The following TMEM150C variants were observed in gnomAD, a reference collection of about 807,000 sequenced individuals.
The protein encoded by TMEM150C is transmembrane protein 150C, also known as tentonin 3.
Under a neutral mutation model 29.9 loss-of-function variants are expected in TMEM150C, and 10 were observed. That is an observed-to-expected ratio of 0.33 (90% CI 0.21 to 0.57). TMEM150C has a LOEUF of 0.57. Among genes scored for constraint, TMEM150C ranks in the 20% least tolerant of loss-of-function variants. TMEM150C has a pLI of 0.88. For synonymous variants in TMEM150C, 101 were observed against 112.5 expected (o/e 0.90, Z 0.64); for missense variants, 251 against 303.6 (o/e 0.83, Z 1.29).
At chr4:82,525,349 A>C (rs927849800) in intron 1 of TMEM150C, among the ~76,000 whole-genome samples, 1 of 152,244 alleles carries the variant, frequency 6.6e-6, no homozygotes, top group Non-Finnish European at 1.5e-5. Flanking sequence ...ATCCATGCTG[A>C]AACTGAGTAA....
rs1173818784 is a variant in TMEM150C at position 82,484,235 on chromosome 4, T to G, written c.*1276A>C. On this transcript the variant is annotated 3_prime_UTR_variant, in exon 8 of 8. Coordinates refer to ENST00000449862, the MANE Select transcript of TMEM150C (RefSeq NM_001080506.3). Reference sequence around the variant, plus strand: ...TTTGAATTTGGAATTCTGCTTTTCTTCATGAAGCACAGTCTCATAAGCCCA... The same window carrying G: ...TTTGAATTTGGAATTCTGCTTTTCTGCATGAAGCACAGTCTCATAAGCCCA... 1.3e-5 allele frequency: 2 copies of G among 152,188 alleles called. No individual in the cohort carries two copies. Among genetic ancestry groups the G allele is most frequent in the Admixed American group, 6.5e-5 (1 of 15,272 alleles). The allele number at this position is 152,188 out of a possible 1,614,324, so 9.4% of individuals were successfully genotyped here.
At chr4:82,558,054 T>C (rs1399461416) in intron 1 of TMEM150C, among the ~76,000 whole-genome samples, 2 of 152,090 alleles carry the variant, frequency 1.3e-5, no homozygotes, top group Non-Finnish European at 2.9e-5. Context: ...TTCATAGCAA[T>C]AGGATTATGA....
At chr4:82,532,861 T>G (rs1312600840) in intron 1 of TMEM150C, among the ~76,000 whole-genome samples, 1 of 152,000 alleles carries the variant, frequency 6.6e-6, no homozygotes, top group Admixed American at 6.6e-5. Context: ...CCCGAGTAGC[T>G]AGGACTACAG....
intron 1 of TMEM150C, among the ~76,000 whole-genome samples, chr4:82,552,441 G>C (rs1725610763): frequency 6.6e-6 from 1 of 152,078 alleles, no homozygotes; most frequent in South Asian, 2.1e-4. Flanking sequence ...AACCAGGTGG[G>C]AAAACAGCTC....
chr4:82,531,754 CAAAAAAA>C (rs757992713), intron 1 of TMEM150C, among the ~76,000 whole-genome samples: 1 of 62,290 alleles, frequency 1.6e-5, no homozygotes, highest in Non-Finnish European at 3.4e-5. Context: ...GACTCTGTCT[CAAAAAAA>C]AAAAAAAAAA....
At chr4:82,495,016 G>C (rs1578122769) in intron 6 of TMEM150C, 1 of 1,017,252 alleles carries the variant, frequency 9.8e-7, no homozygotes, top group Non-Finnish European at 1.5e-6. Context: ...AGAGCAATAG[G>C]CTGCTGTTTG....
At chr4:82,504,692 A>G in intron 1 of TMEM150C, 25 bp from the exon 2 acceptor site, 1 of 1,573,902 alleles carries the variant, frequency 6.4e-7, no homozygotes, top group Non-Finnish European at 8.7e-7. Context: ...ACACGTATTA[A>G]TAATTAAGGC....
intron 1 of TMEM150C, among the ~76,000 whole-genome samples, chr4:82,558,019 C>T (rs951015352): frequency 2.0e-5 from 3 of 152,130 alleles, no homozygotes; most frequent in Admixed American, 1.3e-4. Context: ...GCGTGAGACA[C>T]TGCACGTGGC....
chr4:82,490,355 T>C (rs1723296909), intron 6 of TMEM150C, 117 bp from the exon 7 acceptor site: 1 of 896,354 alleles, frequency 1.1e-6, no homozygotes, highest in Non-Finnish European at 1.8e-6. Flanking sequence ...AATAATGGGA[T>C]GATAGATTGC....
intron 1 of TMEM150C, among the ~76,000 whole-genome samples, chr4:82,541,639 G>A (rs768846408): frequency 6.6e-6 from 1 of 152,084 alleles, no homozygotes; most frequent in Non-Finnish European, 1.5e-5. Context: ...CCCAAAATAA[G>A]CCACAAATCA....
chr4:82,513,577 C>T (rs953759302), intron 1 of TMEM150C, among the ~76,000 whole-genome samples: 1 of 151,376 alleles, frequency 6.6e-6, no homozygotes, highest in Non-Finnish European at 1.5e-5. Context: ...AAAAAAAAAA[C>T]CTGTCACCTG....
chr4:82,554,632 T>C (rs766128472), intron 1 of TMEM150C, among the ~76,000 whole-genome samples: 13 of 152,232 alleles, frequency 8.5e-5, no homozygotes, highest in Non-Finnish European at 1.8e-4. Flanking sequence ...AAATGTTTGG[T>C]GAATAGTAAA....
chr4:82,505,629 T>C (rs901365855), intron 1 of TMEM150C, among the ~76,000 whole-genome samples: 2 of 152,218 alleles, frequency 1.3e-5, no homozygotes, highest in African/African-American at 4.8e-5. Context: ...TGAACTTTTC[T>C]CATGACATGT....
intron 1 of TMEM150C, among the ~76,000 whole-genome samples, chr4:82,534,671 T>A (rs76263725): frequency 0.056 from 8,542 of 152,246 alleles, 248 homozygotes; most frequent in South Asian, 0.076. Context: ...CAGATGCCCA[T>A]CTTATAGAAT....
At chr4:82,506,320 A>G (rs60689487) in intron 1 of TMEM150C, among the ~76,000 whole-genome samples, 1,752 of 152,360 alleles carry the variant, frequency 0.011, 34 homozygotes, top group African/African-American at 0.04. Flanking sequence ...CTGATTACGT[A>G]GATCTTTCAG....
chr4:82,536,463 A>G (rs1182332541), intron 1 of TMEM150C, among the ~76,000 whole-genome samples: 1 of 152,152 alleles, frequency 6.6e-6, no homozygotes, highest in Non-Finnish European at 1.5e-5. Flanking sequence ...AATCACACAC[A>G]TACGCTATAG....
chr4:82,546,278 A>G (rs1210152714), intron 1 of TMEM150C, among the ~76,000 whole-genome samples: 1 of 152,248 alleles, frequency 6.6e-6, no homozygotes, highest in African/African-American at 2.4e-5. Flanking sequence ...GAATAACCAA[A>G]GCAATCCTAA....
intron 5 of TMEM150C, 71 bp downstream of exon 5, chr4:82,502,656 G>T: frequency 6.9e-7 from 1 of 1,442,828 alleles, no homozygotes; most frequent in Non-Finnish European, 9.5e-7. Context: ...GTTTTGACAA[G>T]GGTTTGGGAG....
chr4:82,525,002 G>T (rs1358999140), intron 1 of TMEM150C, among the ~76,000 whole-genome samples: 1 of 152,152 alleles, frequency 6.6e-6, no homozygotes, highest in African/African-American at 2.4e-5. Flanking sequence ...TAGTACTGGG[G>T]GAGCAGGAAC....
Sources: gnomAD v4.1 joint callset for allele counts (sites outside exome capture counted in the v4.1 genomes callset) on GRCh38, gnomAD v4.1.1 for gene constraint, MANE v1.5 for transcripts, NCBI Gene and HGNC (gene_info 2026-07-23, HGNC 2026-07-21) for gene names.